Variants in CHI3L1 observed in about 807,000 individuals in gnomAD.
CHI3L1 encodes the protein chitinase 3 like 1.
CHI3L1 carries 30 observed loss-of-function variants against 40.7 expected under a neutral mutation model. That is an observed-to-expected ratio of 0.74 (90% CI 0.55 to 1.00). The LOEUF (loss-of-function observed/expected upper bound fraction) is 1.00. CHI3L1 is among the 50% of genes least tolerant of loss of function. CHI3L1 has a pLI of 0.00. For synonymous variants in CHI3L1, 210 were observed against 192.1 expected, an observed-to-expected ratio of 1.09 and a Z score of -0.77; for missense variants, 493 against 492.2, an observed-to-expected ratio of 1.00 and a Z score of -0.01.
chr1:203,183,580 T>C (rs1655991247), intron 5 of CHI3L1, 61 bp downstream of exon 5: 1 of 1,582,732 alleles, frequency 6.3e-7, no homozygotes, highest in Non-Finnish European at 8.7e-7. Flanking sequence ...CGCCGGCTTC[T>C]AGCCCACCCC....
At position 203,186,315 on chromosome 1, in the gene CHI3L1, C is replaced by T; in HGVS notation, c.55+1G>A. On this transcript the variant is annotated splice_donor_variant, in intron 2 of 9. Coordinates refer to ENST00000255409, the MANE Select transcript of CHI3L1 (RefSeq NM_001276.4). LOFTEE classifies it high-confidence loss of function. Reference sequence around the variant, plus strand: ...AAAGTGGAGGTGGAGGGATTACTCACAGCACTGGAGCAGCACCAGGACCAC... The same window carrying T: ...AAAGTGGAGGTGGAGGGATTACTCATAGCACTGGAGCAGCACCAGGACCAC... 1 of 1,588,474 alleles carries T rather than the reference C, an allele frequency of 6.3e-7. No individual in the cohort carries two copies. Among genetic ancestry groups the T allele is most frequent in the Non-Finnish European group, 8.6e-7 (1 of 1,166,412 alleles).
intron 8 of CHI3L1, 58 bp from the exon 9 acceptor site, chr1:203,179,935 AC>A: frequency 6.6e-7 from 1 of 1,510,476 alleles, no homozygotes; most frequent in Non-Finnish European, 9.2e-7. Context: ...CTTGCAGGTC[AC>A]CAGGAGACGC....
At chr1:203,183,533 G>T in intron 5 of CHI3L1, 108 bp downstream of exon 5, 2 of 1,176,434 alleles carry the variant, frequency 1.7e-6, no homozygotes, top group Non-Finnish European at 1.2e-6. Context: ...TGAGGCTGAA[G>T]TCCCTCTTTA....
Position 203,181,110 on chromosome 1 carries a change from G to C in CHI3L1, c.711+52C>G, listed in dbSNP as rs1387323986. 1.9e-6 allele frequency: 3 copies of C among 1,603,480 alleles called. No individual in the cohort carries two copies. In the East Asian group the frequency reaches 6.7e-5, roughly 36 times the overall value. Reference sequence around the variant, plus strand: ...AGAGATTGGTGTGTGAGCACTGGCAGATGGCAGGTCTTGCGGCCCCCTCCT... The same window carrying C: ...AGAGATTGGTGTGTGAGCACTGGCACATGGCAGGTCTTGCGGCCCCCTCCT... On this transcript the variant is annotated intron_variant, in intron 7 of 9. Coordinates refer to ENST00000255409, the MANE Select transcript of CHI3L1 (RefSeq NM_001276.4).
chr1:203,181,385 G>A (rs2102202742), intron 6 of CHI3L1, 100 bp from the exon 7 acceptor site: 2 of 1,325,886 alleles, frequency 1.5e-6, no homozygotes, highest in East Asian at 2.5e-5. Flanking sequence ...CACTTTGGGA[G>A]GCCGAGGCAG....
intron 7 of CHI3L1, 54 bp downstream of exon 7, chr1:203,181,108 C>A: frequency 2.5e-6 from 4 of 1,601,530 alleles, no homozygotes; most frequent in South Asian, 1.1e-5. Context: ...TGAGCACTGG[C>A]AGATGGCAGG....
In CHI3L1 at chr1:203,181,241, G is replaced by T. The variant is rs747195921; in HGVS notation, c.632C>A (p.Ala211Asp). The change falls in exon 7 of 10, where the codon GCC becomes GAC. Residue 211 changes from alanine (A) to aspartate (D), a missense_variant. Transcript: ENST00000255409. ...ISIMTYDFHGAWRGTTGHHSP... is the reference protein window; with the variant it reads ...ISIMTYDFHGDWRGTTGHHSP... ...GTGATGGCCTGTGGTCCCACGCCAG[G>T]CTCCATGAAAATCGTAGGTCATGAT... 22 of 1,613,932 alleles carry T rather than the reference G, an allele frequency of 1.4e-5. No homozygotes were observed. Among genetic ancestry groups the T allele is most frequent in the South Asian group, 9.9e-5 (9 of 91,074 alleles).
In CHI3L1 at chr1:203,183,401, G is replaced by A. The variant is rs930631481; in HGVS notation, c.465+240C>T. On this transcript the variant is annotated intron_variant, in intron 5 of 9. Transcript: ENST00000255409. Reference sequence around the variant, plus strand: ...TGCACTAAGTGGGTAGTTATAAGTGGGTGCTCTGCTCAGTCACAACCTTCC... The same window carrying A: ...TGCACTAAGTGGGTAGTTATAAGTGAGTGCTCTGCTCAGTCACAACCTTCC... Among the ~76,000 whole-genome samples the A allele has an allele frequency of 7.2e-5, 11 of 152,212 alleles. No individual in the cohort carries two copies. The South Asian group carries it at 1.2e-3, about 17-fold the overall frequency.
Position 203,179,423 on chromosome 1 carries a change from G to A in CHI3L1, c.*22C>T, listed in dbSNP as rs200560076. On this transcript the variant is annotated 3_prime_UTR_variant, in exon 10 of 10. Coordinates refer to ENST00000255409, the MANE Select transcript of CHI3L1 (RefSeq NM_001276.4). ...GGGGGACGGGGCATCCTTGGCCCCC[G>A]TGCTGTGTGCAGAACAGAGGGCTAC... 1.1e-4 allele frequency: 159 copies of A among 1,513,714 alleles called. No homozygotes were observed. The highest frequency in any genetic ancestry group is 1.6e-4 in the East Asian group (7 of 43,862). 93.8% of individuals were successfully genotyped at this position (1,513,714 alleles called of 1,614,324 possible).
Position 203,179,748 on chromosome 1 carries a change from T to C in CHI3L1, c.1011+13A>G. The C allele has an allele frequency of 6.2e-7, 1 of 1,614,146 alleles. No individual in the cohort carries two copies. Among genetic ancestry groups the C allele is most frequent in the Non-Finnish European group, 8.5e-7 (1 of 1,180,004 alleles). The stretch of plus-strand genomic sequence containing the variant: ...TTCTCTTTGTCCTGAGGTGTGGCCT[T>C]GGGGAAACCTACCTTGCTTTTGACG... On this transcript the variant is annotated intron_variant, in intron 9 of 9. Coordinates refer to ENST00000255409, the MANE Select transcript of CHI3L1 (RefSeq NM_001276.4).
Position 203,179,438 on chromosome 1 carries a change from C to T in CHI3L1, c.*7G>A, listed in dbSNP as rs943974779. The stretch of plus-strand genomic sequence containing the variant: ...CTTGGCCCCCGTGCTGTGTGCAGAA[C>T]AGAGGGCTACGTTGCAGCGAGTGCA... On this transcript the variant is annotated 3_prime_UTR_variant, in exon 10 of 10. Coordinates refer to ENST00000255409, the MANE Select transcript of CHI3L1 (RefSeq NM_001276.4). 2.0e-6 allele frequency: 3 copies of T among 1,530,012 alleles called. No individual in the cohort carries two copies. Among genetic ancestry groups the T allele is most frequent in the Non-Finnish European group, 2.6e-6 (3 of 1,138,284 alleles). The allele number at this position is 1,530,012 out of a possible 1,614,324, so 94.8% of individuals were successfully genotyped here.
rs1402207278 is a variant in CHI3L1, at chr1:203,180,601, C to T, written c.763G>A (p.Val255Met). The change falls in exon 8 of 10, where the codon GTG (valine) becomes ATG (methionine). Residue 255 changes from valine to methionine, a missense_variant. Coordinates refer to ENST00000255409, the MANE Select transcript of CHI3L1 (RefSeq NM_001276.4). ...CTCCCGAAGGTGGGGATGCCCATCA[C>T]CAGCTTACTGGCAGGAGCCCCCAGC... The part of the protein sequence containing the change: ...LRLGAPASKL[V>M]MGIPTFGRSF... 1.9e-6 allele frequency: 3 copies of T among 1,612,998 alleles called. No individual in the cohort carries two copies. The highest frequency in any genetic ancestry group is 2.5e-6 in the Non-Finnish European group (3 of 1,179,650).
Position 203,179,384 on chromosome 1 carries a change from C to T in CHI3L1, c.*61G>A. 1 of 1,449,808 alleles carries T rather than the reference C, an allele frequency of 6.9e-7. No individual in the cohort carries two copies. The highest frequency in any genetic ancestry group is 9.3e-7 in the Non-Finnish European group (1 of 1,075,072). 89.8% of individuals were successfully genotyped at this position (1,449,808 alleles called of 1,614,324 possible). A position where few individuals can be genotyped will look rare whatever the true frequency, so the allele number is the denominator to read the frequency against. ...CAGGGCAGGTGATCAGGCTCCCGGC[C>T]AGCTGGAGCCAGAGGGGGACGGGGC... On this transcript the variant is annotated 3_prime_UTR_variant, in exon 10 of 10. Coordinates refer to ENST00000255409, the MANE Select transcript of CHI3L1 (RefSeq NM_001276.4).
intron 2 of CHI3L1, among the ~76,000 whole-genome samples, chr1:203,185,858 TG>T (rs1656045233): frequency 6.6e-6 from 1 of 152,194 alleles, no homozygotes; most frequent in Admixed American, 6.5e-5. Context: ...CTCTGCCTCC[TG>T]GTGAGAGTGC....
In CHI3L1 at chr1:203,182,749, T is replaced by C. The variant is rs1655962356; in HGVS notation, c.569A>G (p.Asp190Gly). 6.2e-7 allele frequency: 1 copy of C among 1,614,004 alleles called. No individual in the cohort carries two copies. The highest frequency in any genetic ancestry group is 1.1e-5 in the South Asian group (1 of 91,076). Reference sequence around the variant, plus strand: ...GACTCACTGGGATATCTTGGCAATGTCATAGCTGCTGTCAATGGTGACCTT... The same window carrying C: ...GACTCACTGGGATATCTTGGCAATGCCATAGCTGCTGTCAATGGTGACCTT... ...AGKVTIDSSY[D>G]IAKISQHLDF... Residue 190 changes from aspartate to glycine, a missense_variant, in exon 6 of 10, where the codon GAC (aspartate) becomes GGC (glycine). Coordinates refer to ENST00000255409, the MANE Select transcript of CHI3L1 (RefSeq NM_001276.4).
At chr1:203,186,423 A>ACCCCCCCCCCC in intron 1 of CHI3L1, 78 bp from the exon 2 acceptor site, 7 of 1,320,868 alleles carry the variant, frequency 5.3e-6, no homozygotes, top group South Asian at 1.2e-5. Context: ...AGCAACTGAG[A>ACCCCCCCCCCC]CCCACCTCCC....
Position 203,179,344 on chromosome 1 carries a change from C to T in CHI3L1, c.*101G>A, listed in dbSNP as rs1424799640. ...GCCCCAAGGGAGGGAGACTGAGGCT[C>T]AGCCTGGGACTCAGCAGGGCAGGTG... On this transcript the variant is annotated 3_prime_UTR_variant, in exon 10 of 10. Coordinates refer to ENST00000255409, the MANE Select transcript of CHI3L1 (RefSeq NM_001276.4). 2.2e-5 allele frequency: 24 copies of T among 1,084,672 alleles called. No individual in the cohort carries two copies. The highest frequency in any genetic ancestry group is 7.9e-5 in the African/African-American group (5 of 63,270). 67.2% of individuals were successfully genotyped at this position (1,084,672 alleles called of 1,614,324 possible). A position where few individuals can be genotyped will look rare whatever the true frequency, so the allele number is the denominator to read the frequency against.
chr1:203,184,641 C>A lies in CHI3L1; in HGVS notation c.258-9G>T, dbSNP rs1656017488. On this transcript the variant is annotated splice_polypyrimidine_tract_variant and intron_variant, in intron 3 of 9. Coordinates refer to ENST00000255409, the MANE Select transcript of CHI3L1 (RefSeq NM_001276.4). ...TCTTCAGGTTGGGGTTCCTGTGGAG[C>A]ACAGGGAGGTGGGGAGGGCAGGAGT... 1.2e-6 allele frequency: 2 copies of A among 1,613,276 alleles called. No individual in the cohort carries two copies. The highest frequency in any genetic ancestry group is 1.7e-6 in the Non-Finnish European group (2 of 1,179,392).
chr1:203,185,654 G>A (rs962425604), intron 2 of CHI3L1, among the ~76,000 whole-genome samples: 7 of 152,206 alleles, frequency 4.6e-5, no homozygotes, highest in African/African-American at 1.7e-4. Flanking sequence ...CACTGTGTGG[G>A]GGAAGGGTAG....
Sources: gnomAD v4.1 joint callset for allele counts (sites outside exome capture counted in the v4.1 genomes callset) on GRCh38, gnomAD v4.1.1 for gene constraint, MANE v1.5 for transcripts, NCBI Gene and HGNC (gene_info 2026-07-23, HGNC 2026-07-21) for gene names.